SLC39A11: variants seen among roughly 807,000 people sequenced by gnomAD.
The protein encoded by SLC39A11 is solute carrier family 39 member 11.
In SLC39A11, 33 loss-of-function variants were observed where a neutral mutation model predicts 36.1. The ratio of observed to expected loss-of-function variants is 0.91; its 90% CI spans 0.69 to 1.22. The LOEUF (loss-of-function observed/expected upper bound fraction) is 1.22. Among genes scored for constraint, SLC39A11 ranks in the 50% most tolerant of loss-of-function variants. SLC39A11 has a pLI of 0.00. For missense variants in SLC39A11, 432 were observed against 430.3 expected (o/e 1.00, Z -0.03); for synonymous variants, 166 against 170.3 (o/e 0.97, Z 0.20).
In SLC39A11 at chr17:72,912,365, G is replaced by A. The variant is rs187706436; in HGVS notation, c.430+35387C>T. 2.5e-3 allele frequency among the ~76,000 whole-genome samples: 384 copies of A among 152,092 alleles called. 1 individual carries two copies. The highest frequency in any genetic ancestry group is 8.4e-3 in the African/African-American group (348 of 41,506). On this transcript the variant is annotated intron_variant, in intron 5 of 9. Coordinates refer to ENST00000255559, the MANE Select transcript of SLC39A11 (RefSeq NM_139177.4). The stretch of plus-strand genomic sequence containing the variant: ...GACCTCAAGGCAACAGGGGAATCTG[G>A]AGAAGGTGGTGCCCCAAGTCAGAAG...
chr17:72,972,941 C>A (rs538506860), intron 4 of SLC39A11, among the ~76,000 whole-genome samples: 1 of 152,080 alleles, frequency 6.6e-6, no homozygotes, highest in Non-Finnish European at 1.5e-5. Context: ...GTAGGTCAGG[C>A]AGGAAGGAAA....
At chr17:73,035,435 C>T (rs936517866) in intron 3 of SLC39A11, among the ~76,000 whole-genome samples, 33 of 152,140 alleles carry the variant, frequency 2.2e-4, no homozygotes, top group African/African-American at 6.0e-4. Flanking sequence ...CCACCGCACC[C>T]GGCCAAAAAG....
At chr17:73,047,985 AAAAAAATATATATAT>A (rs2059360755) in intron 3 of SLC39A11, among the ~76,000 whole-genome samples, 1 of 53,500 alleles carries the variant, frequency 1.9e-5, no homozygotes, top group African/African-American at 6.4e-5. Context: ...AAAAAAAAAA[AAAAAAATATATATAT>A]ATATATATAT....
intron 6 of SLC39A11, among the ~76,000 whole-genome samples, chr17:72,837,316 T>C (rs905518846): frequency 2.7e-5 from 4 of 146,322 alleles, no homozygotes; most frequent in Non-Finnish European, 5.9e-5. Flanking sequence ...TGGAGGAAAA[T>C]TCACTAGATT....
chr17:72,698,459 C>CTAAAAAAAAAAAAAAAAAAAAAA (rs2072425458), intron 7 of SLC39A11, among the ~76,000 whole-genome samples: 1 of 93,000 alleles, frequency 1.1e-5, no homozygotes, highest in Non-Finnish European at 2.5e-5. Context: ...TAATAAAAAC[C>CTAAAAAAAAAAAAAAAAAAAAAA]AAAAAAAAAA....
chr17:72,774,372 C>A (rs2076059953), intron 6 of SLC39A11, among the ~76,000 whole-genome samples: 1 of 152,148 alleles, frequency 6.6e-6, no homozygotes, highest in African/African-American at 2.4e-5. Context: ...CACCTTGCCT[C>A]CCTAGAAGGG....
chr17:72,964,648 T>C (rs1028914770), intron 4 of SLC39A11, among the ~76,000 whole-genome samples: 2 of 152,336 alleles, frequency 1.3e-5, no homozygotes, highest in Non-Finnish European at 2.9e-5. Flanking sequence ...AGGTAGAGTA[T>C]GCCAACAACT....
At chr17:72,907,809 G>A (rs2082735257) in intron 5 of SLC39A11, among the ~76,000 whole-genome samples, 1 of 152,212 alleles carries the variant, frequency 6.6e-6, no homozygotes, top group Admixed American at 6.5e-5. Context: ...GAACTCTGCA[G>A]GGAAACAGTC....
At chr17:72,980,596 A>C (rs1232440561) in intron 4 of SLC39A11, among the ~76,000 whole-genome samples, 2 of 152,256 alleles carry the variant, frequency 1.3e-5, no homozygotes, top group Non-Finnish European at 2.9e-5. Context: ...AATAACCAAG[A>C]AACTTTTGAA....
chr17:72,957,797 C>T (rs1009871795), intron 4 of SLC39A11, among the ~76,000 whole-genome samples: 5 of 148,390 alleles, frequency 3.4e-5, no homozygotes, highest in South Asian at 4.5e-4. Context: ...CCAGCCTGGG[C>T]GACAAAGGGA....
At chr17:73,078,057 T>G (rs1277742010) in intron 3 of SLC39A11, among the ~76,000 whole-genome samples, 1 of 151,938 alleles carries the variant, frequency 6.6e-6, no homozygotes, top group African/African-American at 2.4e-5. Context: ...GCTAACATGG[T>G]GAAACCCCGT....
At chr17:73,039,220 C>T (rs1027646815) in intron 3 of SLC39A11, among the ~76,000 whole-genome samples, 2 of 152,098 alleles carry the variant, frequency 1.3e-5, no homozygotes, top group African/African-American at 4.8e-5. Context: ...AAATATGCAA[C>T]GGGTCAGTGC....
At position 72,736,653 on chromosome 17, in the gene SLC39A11, G is replaced by C; in HGVS notation, c.668C>G (p.Ala223Gly). ...GGGTCCCAGGATGCTGGCTTACCTGGCACTCTCAAAGGTAGCAGATGCCGT... is the reference window on the plus strand; with the variant it reads ...GGGTCCCAGGATGCTGGCTTACCTGCCACTCTCAAAGGTAGCAGATGCCGT... Reference protein sequence around the residue: ...EKTASATFESARNLAIGIGIQ... With the variant: ...EKTASATFESGRNLAIGIGIQ... Residue 223 changes from alanine (A) to glycine (G), a missense_variant, in exon 7 of 10, where the codon GCC becomes GGC. Ala to Gly is a moderately conservative substitution (Grantham distance 60). Coordinates refer to ENST00000255559, the MANE Select transcript of SLC39A11 (RefSeq NM_139177.4). The C allele has an allele frequency of 6.2e-7, 1 of 1,613,688 alleles. No individual in the cohort carries two copies. Among genetic ancestry groups the C allele is most frequent in the African/African-American group, 1.3e-5 (1 of 75,006 alleles).
intron 7 of SLC39A11, 63 bp from the exon 8 acceptor site, chr17:72,649,331 C>T: frequency 1.3e-6 from 2 of 1,491,718 alleles, no homozygotes; most frequent in Non-Finnish European, 1.8e-6. Context: ...CAATGGGAGT[C>T]CCTGGCCGAG....
At chr17:72,776,895 G>A (rs2076155785) in intron 6 of SLC39A11, among the ~76,000 whole-genome samples, 1 of 152,104 alleles carries the variant, frequency 6.6e-6, no homozygotes. Context: ...GCCTTAACCG[G>A]AGCAGTCACT....
chr17:72,852,572 C>A (rs539190769), intron 5 of SLC39A11, among the ~76,000 whole-genome samples: 1 of 152,080 alleles, frequency 6.6e-6, no homozygotes, highest in South Asian at 2.1e-4. Flanking sequence ...TATGCATGTA[C>A]GTGTGTGTGT....
intron 7 of SLC39A11, among the ~76,000 whole-genome samples, chr17:72,659,179 T>G (rs906960330): frequency 1.3e-5 from 2 of 152,186 alleles, no homozygotes; most frequent in Non-Finnish European, 2.9e-5. Flanking sequence ...GGAAGGTCCC[T>G]GTCTTCAAGG....
At chr17:72,933,101 A>C (rs960340849) in intron 5 of SLC39A11, among the ~76,000 whole-genome samples, 1 of 152,238 alleles carries the variant, frequency 6.6e-6, no homozygotes, top group African/African-American at 2.4e-5. Flanking sequence ...CAATCAGGTA[A>C]GAAAATGAAA....
chr17:73,081,920 G>A (rs539279221), intron 3 of SLC39A11, among the ~76,000 whole-genome samples: 1 of 151,060 alleles, frequency 6.6e-6, no homozygotes, highest in Non-Finnish European at 1.5e-5. Context: ...AGCTAAGCTA[G>A]GCATAAGAAT....
Sources: gnomAD v4.1 joint callset for allele counts (sites outside exome capture counted in the v4.1 genomes callset) on GRCh38, gnomAD v4.1.1 for gene constraint, MANE v1.5 for transcripts, NCBI Gene and HGNC (gene_info 2026-07-23, HGNC 2026-07-21) for gene names.